PRAG1: variants seen among roughly 807,000 people sequenced by gnomAD.
The protein encoded by PRAG1 is PEAK1 related, kinase-activating pseudokinase 1.
A neutral mutation model predicts 95.6 loss-of-function variants in PRAG1; 110 were observed. That is an observed-to-expected ratio of 1.15 (90% confidence interval 0.99 to 1.35). The LOEUF is 1.35. Among genes scored for constraint, PRAG1 ranks in the 40% most tolerant of loss-of-function variants. The pLI is 0.00. For missense variants in PRAG1, 2,554 were observed against 1,864.7 expected (o/e 1.37, Z -6.81); for synonymous variants, 1,052 against 819.4 (o/e 1.28, Z -4.85).
At chr8:8,359,505 G>A (rs1799781897) in intron 3 of PRAG1, among the ~76,000 whole-genome samples, 1 of 152,164 alleles carries the variant, frequency 6.6e-6, no homozygotes, top group African/African-American at 2.4e-5. Context: ...TAGACTATCT[G>A]ATTGATAGCT....
At position 8,337,138 on chromosome 8, in the gene PRAG1, T is replaced by C. The variant is rs1344968588; in HGVS notation, c.2320+2340A>G. Among the ~76,000 whole-genome samples, 5 of 152,358 alleles carry C rather than the reference T, an allele frequency of 3.3e-5. No homozygotes were observed. In the East Asian group the frequency reaches 9.6e-4, roughly 29 times the overall value. ...ATAAATGTAGAAGAGTCTAATGGTA[T>C]CTTTTGGCTTAATGTATAATATTAG... On this transcript the variant is annotated intron_variant, in intron 4 of 5. Transcript: ENST00000615670.
intron 3 of PRAG1, among the ~76,000 whole-genome samples, chr8:8,374,903 A>C (rs1460598951): frequency 6.6e-6 from 1 of 152,150 alleles, no homozygotes; most frequent in Non-Finnish European, 1.5e-5. Context: ...GCCCAGAGGC[A>C]CATCAGCTGA....
intron 4 of PRAG1, among the ~76,000 whole-genome samples, chr8:8,332,914 C>A (rs1798869021): frequency 6.6e-6 from 1 of 152,192 alleles, no homozygotes; most frequent in African/African-American, 2.4e-5. Flanking sequence ...ACGGCTGCCA[C>A]ACTCTGGATT....
chr8:8,324,445 G>C (rs1798568435), intron 5 of PRAG1, among the ~76,000 whole-genome samples: 1 of 152,170 alleles, frequency 6.6e-6, no homozygotes, highest in Non-Finnish European at 1.5e-5. Flanking sequence ...AGAAGGCTGC[G>C]TTGGGCGCAT....
intron 4 of PRAG1, among the ~76,000 whole-genome samples, chr8:8,330,546 C>T (rs1255801629): frequency 6.6e-6 from 1 of 152,186 alleles, no homozygotes; most frequent in Admixed American, 6.5e-5. Flanking sequence ...ATTTATACCC[C>T]TTCCAGGAGG....
chr8:8,365,126 A>G (rs1403739045), intron 3 of PRAG1, among the ~76,000 whole-genome samples: 1 of 152,218 alleles, frequency 6.6e-6, no homozygotes, highest in Non-Finnish European at 1.5e-5. Context: ...GCATCTCTAT[A>G]AAAATGATGG....
intron 4 of PRAG1, 130 bp from the exon 5 acceptor site, chr8:8,328,591 A>ATTTCTG (rs1798724374): frequency 9.8e-7 from 1 of 1,025,376 alleles, no homozygotes; most frequent in Non-Finnish European, 1.4e-6. Flanking sequence ...CTTCTTTTCT[A>ATTTCTG]TTTCTCTAAT....
At chr8:8,324,424 G>C (rs1026373177) in intron 5 of PRAG1, among the ~76,000 whole-genome samples, 4 of 152,182 alleles carry the variant, frequency 2.6e-5, no homozygotes, top group African/African-American at 9.7e-5. Flanking sequence ...TTCCTCAAAG[G>C]CCAGCAACGG....
chr8:8,359,641 C>T (rs1422577467), intron 3 of PRAG1, among the ~76,000 whole-genome samples: 2 of 152,162 alleles, frequency 1.3e-5, no homozygotes, highest in African/African-American at 2.4e-5. Context: ...CAGGCTTTAA[C>T]CCTATTCTTC....
intron 1 of PRAG1, among the ~76,000 whole-genome samples, chr8:8,383,414 A>G (rs1254961019): frequency 1.3e-5 from 2 of 151,960 alleles, no homozygotes; most frequent in Admixed American, 6.6e-5. Context: ...TTACAAAGAT[A>G]ATAATTATTT....
At position 8,318,105 on chromosome 8, in the gene PRAG1, A is replaced by G; in HGVS notation, c.*49T>C. On this transcript the variant is annotated 3_prime_UTR_variant, in exon 6 of 6. Coordinates refer to ENST00000615670, the MANE Select transcript of PRAG1 (RefSeq NM_001080826.3). This position sits in a 1 kb window ranked among gnomAD's most constrained non-coding sequence, Gnocchi z 4.2. ...ATGGGTGCTTCCAAGGCGAGACAGGAAAGGGTTAGGCAGGGAAGGGGCAGC... is the reference window on the plus strand; with the variant it reads ...ATGGGTGCTTCCAAGGCGAGACAGGGAAGGGTTAGGCAGGGAAGGGGCAGC... The G allele has an allele frequency of 6.5e-7, 1 of 1,541,476 alleles. No homozygotes were observed. Among genetic ancestry groups the G allele is most frequent in the Non-Finnish European group, 8.7e-7 (1 of 1,145,006 alleles).
At chr8:8,332,052 T>A (rs1469932973) in intron 4 of PRAG1, among the ~76,000 whole-genome samples, 1 of 152,188 alleles carries the variant, frequency 6.6e-6, no homozygotes, top group Non-Finnish European at 1.5e-5. Context: ...TCCACGCCCT[T>A]GCCCAGCAGA....
Position 8,381,456 on chromosome 8 carries a change from C to G in PRAG1, c.292G>C (p.Val98Leu). 1 of 1,614,158 alleles carries G rather than the reference C, an allele frequency of 6.2e-7. No individual in the cohort carries two copies. Among genetic ancestry groups the G allele is most frequent in the Non-Finnish European group, 8.5e-7 (1 of 1,179,968 alleles). The change falls in exon 2 of 6, where the codon GTG (valine) becomes CTG (leucine). Residue 98 changes from valine to leucine, a missense_variant. By Grantham distance (32) the Val-to-Leu change is conservative. Transcript: ENST00000615670. ...GCACTCAGGTTGGCCTCTGTCCACA[C>G]ATCAGAGGCCTCGGAGCTCATCATG... ...PTMMSSEASD[V>L]WTEANLSAEV...
chr8:8,344,015 T>C (rs893749168), intron 3 of PRAG1, among the ~76,000 whole-genome samples: 5 of 152,166 alleles, frequency 3.3e-5, no homozygotes, highest in Non-Finnish European at 7.3e-5. Flanking sequence ...GTATAACCTA[T>C]ATCAATTATT....
At chr8:8,332,752 C>T (rs1289042024) in intron 4 of PRAG1, among the ~76,000 whole-genome samples, 1 of 150,244 alleles carries the variant, frequency 6.7e-6, no homozygotes, top group Admixed American at 6.7e-5. Flanking sequence ...ATTGGTTTCT[C>T]CACTACATGG....
intron 3 of PRAG1, among the ~76,000 whole-genome samples, chr8:8,340,003 AATGT>A (rs1378222629): frequency 2.0e-5 from 3 of 152,272 alleles, no homozygotes; most frequent in Admixed American, 6.5e-5. Flanking sequence ...CATACACACC[AATGT>A]ATAGAGACAT....
At chr8:8,340,903 C>T (rs1007161832) in intron 3 of PRAG1, among the ~76,000 whole-genome samples, 7 of 152,194 alleles carry the variant, frequency 4.6e-5, no homozygotes, top group Admixed American at 2.0e-4. Context: ...ATCTCAGTAT[C>T]GCTGTGGGAA....
At chr8:8,356,757 G>T (rs1799694830) in intron 3 of PRAG1, among the ~76,000 whole-genome samples, 1 of 152,132 alleles carries the variant, frequency 6.6e-6, no homozygotes, top group South Asian at 2.1e-4. Flanking sequence ...GAACAAAGTT[G>T]GAGGTCTCAC....
intron 5 of PRAG1, among the ~76,000 whole-genome samples, chr8:8,320,603 T>C (rs1798442635): frequency 6.6e-6 from 1 of 152,176 alleles, no homozygotes; most frequent in Admixed American, 6.5e-5. Context: ...ACCCAGGCTT[T>C]GTAGAAAGAC....
Sources: gnomAD v4.1 joint callset for allele counts (sites outside exome capture counted in the v4.1 genomes callset) on GRCh38, gnomAD v4.1.1 for gene constraint, Gnocchi (gnomAD v3.1) non-coding constraint, MANE v1.5 for transcripts, NCBI Gene and HGNC (gene_info 2026-07-23, HGNC 2026-07-21) for gene names.